GIT2: variants seen among roughly 807,000 people sequenced by gnomAD.
GIT2 encodes the protein GIT ArfGAP 2, also known as ARF GTPase-activating protein GIT2.
In GIT2, 32 loss-of-function variants were observed where a neutral mutation model predicts 100.3. The ratio of observed to expected loss-of-function variants is 0.32; its 90% confidence interval spans 0.24 to 0.43. The LOEUF (loss-of-function observed/expected upper bound fraction) is 0.43, where lower values mean the gene tolerates loss of function less well. GIT2 is among the 20% of genes least tolerant of loss of function. The probability of loss-of-function intolerance (pLI) is 1.00; values close to 1 mark genes in which losing one functional copy is unlikely to be tolerated. For missense variants in GIT2, 737 were observed against 975.1 expected, an observed-to-expected ratio of 0.76 and a Z score of 3.25; for synonymous variants, 353 against 364.1, an observed-to-expected ratio of 0.97 and a Z score of 0.35.
At chr12:109,969,858 C>T (rs1306696635) in intron 7 of GIT2, among the ~76,000 whole-genome samples, 2 of 151,858 alleles carry the variant, frequency 1.3e-5, no homozygotes, top group South Asian at 2.1e-4. Flanking sequence ...TGGATTCAAG[C>T]GATTCTCCTG....
At chr12:109,940,215 G>C (rs1023163113) in intron 16 of GIT2, 1 of 152,174 alleles carries the variant, frequency 6.6e-6, no homozygotes, top group Non-Finnish European at 1.5e-5. Flanking sequence ...CTAAACACAC[G>C]ATCTTCTAGG....
chr12:109,936,218 T>C (rs910300962), intron 18 of GIT2, among the ~76,000 whole-genome samples: 6 of 147,936 alleles, frequency 4.1e-5, no homozygotes, highest in Non-Finnish European at 7.4e-5. Flanking sequence ...ACCAAAAGAA[T>C]GAGCTAATGA....
Position 109,961,304 on chromosome 12 carries a change from G to A in GIT2, c.961C>T (p.Pro321Ser), listed in dbSNP as rs780466528. ...TGATTTCGTGTTGATGAGTACTCAG[G>A]ATTGACCGGAAGAAAGGGGACGACC... ...TTVVPFLPVN[P>S]EYSSTRNQGR... The change falls in exon 11 of 20, where the codon CCT becomes TCT. Residue 321 changes from proline (P) to serine (S), a missense_variant. By Grantham distance (74) the Pro-to-Ser change is moderately conservative. Transcript: ENST00000355312. The A allele has an allele frequency of 6.2e-7, 1 of 1,612,128 alleles. No homozygotes were observed. The highest frequency in any genetic ancestry group is 8.5e-7 in the Non-Finnish European group (1 of 1,178,250).
chr12:109,966,976 A>G (rs1882651573), intron 8 of GIT2, among the ~76,000 whole-genome samples: 1 of 152,228 alleles, frequency 6.6e-6, no homozygotes, highest in Admixed American at 6.5e-5. Context: ...TTCAGTGTCC[A>G]GAAATAAAAT....
rs1331324515 is a variant in GIT2 at position 109,962,707 on chromosome 12, G to A, written c.817-1022C>T. Among the ~76,000 whole-genome samples the A allele has an allele frequency of 1.3e-5, 2 of 152,236 alleles. No individual in the cohort carries two copies. Among genetic ancestry groups the A allele is most frequent in the Non-Finnish European group, 2.9e-5 (2 of 68,050 alleles). On this transcript the variant is annotated intron_variant, in intron 9 of 19. Coordinates refer to ENST00000355312, the MANE Select transcript of GIT2 (RefSeq NM_057169.5). The surrounding 1 kb of genome is among the most constrained non-coding windows in gnomAD (Gnocchi z 4.3). ...GTGACTCTTAAACTGTCTGACATCT[G>A]CTTTGGGAGGGCAGATGCTGAATCT...
At position 109,939,224 on chromosome 12, in the gene GIT2, G is replaced by A. The variant is rs1873904109; in HGVS notation, c.1755C>T (p.Asn585=). 2 of 1,608,188 alleles carry A rather than the reference G, an allele frequency of 1.2e-6. No homozygotes were observed. The highest frequency in any genetic ancestry group is 1.7e-6 in the Non-Finnish European group (2 of 1,174,942). The change falls in exon 17 of 20, where the codon AAC becomes AAT. Residue 585 remains asparagine (N), a synonymous_variant. Coordinates refer to ENST00000355312, the MANE Select transcript of GIT2 (RefSeq NM_057169.5). The stretch of plus-strand genomic sequence containing the variant: ...TGTCGTAGTCACTCTCAGGTGTGCT[G>A]TTCTGCTTCTCCAGCCTGGATGCCT... The part of the protein sequence containing the change: ...ARRASRLEKQ[N]STPESDYDNT...
At chr12:109,951,895 G>C (rs550941206) in intron 13 of GIT2, among the ~76,000 whole-genome samples, 27 of 152,332 alleles carry the variant, frequency 1.8e-4, no homozygotes, top group African/African-American at 6.5e-4. Context: ...CCCAGGAGGT[G>C]AGGGGATGAG....
At chr12:109,936,948 T>G (rs2136146662) in intron 18 of GIT2, among the ~76,000 whole-genome samples, 1 of 152,132 alleles carries the variant, frequency 6.6e-6, no homozygotes, top group Non-Finnish European at 1.5e-5. Context: ...AGTCACTCAC[T>G]GCCAAGACTA....
intron 8 of GIT2, among the ~76,000 whole-genome samples, chr12:109,966,795 AG>A (rs1232077183): frequency 1.3e-5 from 2 of 152,236 alleles, no homozygotes; most frequent in African/African-American, 4.8e-5. Flanking sequence ...CAAGGGTTTA[AG>A]GATCATTCCT....
chr12:109,936,236 C>A (rs1872935454), intron 18 of GIT2, among the ~76,000 whole-genome samples: 2 of 148,852 alleles, frequency 1.3e-5, no homozygotes, highest in South Asian at 4.2e-4. Context: ...TGATTAAAAT[C>A]TCTGCATCAT....
intron 17 of GIT2, 27 bp downstream of exon 17, chr12:109,939,138 C>A: frequency 1.4e-6 from 2 of 1,479,982 alleles, no homozygotes; most frequent in African/African-American, 2.8e-5. Context: ...GAGCCCCTCC[C>A]CTGGCACGCT....
chr12:109,972,909 A>C (rs1019383814), intron 7 of GIT2, among the ~76,000 whole-genome samples: 3 of 151,700 alleles, frequency 2.0e-5, no homozygotes, highest in African/African-American at 7.3e-5. Flanking sequence ...TGTAGCCTTG[A>C]CCTCCTGGGC....
intron 10 of GIT2, 91 bp downstream of exon 10, chr12:109,961,522 G>T: frequency 1.0e-6 from 1 of 956,934 alleles, no homozygotes; most frequent in Non-Finnish European, 1.7e-6. Flanking sequence ...CATCAGGACA[G>T]CAGAAATTGG....
intron 18 of GIT2, among the ~76,000 whole-genome samples, chr12:109,936,457 T>C (rs1873018656): frequency 6.6e-6 from 1 of 152,176 alleles, no homozygotes; most frequent in African/African-American, 2.4e-5. Flanking sequence ...ACATTTTAGT[T>C]TGAAATACAA....
intron 12 of GIT2, chr12:109,953,503 C>A: frequency 3.1e-6 from 1 of 325,114 alleles, no homozygotes; most frequent in African/African-American, 2.1e-5. Context: ...GCCTGTAGTC[C>A]CAGCTACTAG....
rs1871750129 is a variant in GIT2, at chr12:109,932,104, A to G, written c.*874T>C. The G allele has an allele frequency of 6.6e-6, 1 of 152,244 alleles. No individual in the cohort carries two copies. The highest frequency in any genetic ancestry group is 1.5e-5 in the Non-Finnish European group (1 of 68,058). The allele number at this position is 152,244 out of a possible 1,614,324, so 9.4% of individuals were successfully genotyped here. ...AGGTGATTTCTTTTCCCTATAGTTC[A>G]TGGTAGTGATACCTAAATGGGTGGC... On this transcript the variant is annotated 3_prime_UTR_variant, in exon 20 of 20. Coordinates refer to ENST00000355312, the MANE Select transcript of GIT2 (RefSeq NM_057169.5).
At chr12:109,967,246 AT>A in intron 8 of GIT2, 1 of 1,131,672 alleles carries the variant, frequency 8.8e-7, no homozygotes. Flanking sequence ...ACTGGTTTCA[AT>A]TTTCCTATTA....
chr12:109,990,747 T>C (rs1051612670), intron 2 of GIT2, among the ~76,000 whole-genome samples: 5 of 152,216 alleles, frequency 3.3e-5, no homozygotes, highest in East Asian at 1.9e-4. Context: ...TGACATGACA[T>C]TGGACTCCAG....
intron 4 of GIT2, among the ~76,000 whole-genome samples, chr12:109,988,066 G>A (rs547850775): frequency 1.3e-5 from 2 of 152,198 alleles, no homozygotes; most frequent in African/African-American, 4.8e-5. Flanking sequence ...AGAAACAATT[G>A]TCCTATAATC....
Sources: gnomAD v4.1 joint callset for allele counts (sites outside exome capture counted in the v4.1 genomes callset) on GRCh38, gnomAD v4.1.1 for gene constraint, Gnocchi (gnomAD v3.1) non-coding constraint, MANE v1.5 for transcripts, NCBI Gene and HGNC (gene_info 2026-07-23, HGNC 2026-07-21) for gene names.